Variants in ESYT2 observed in about 807,000 individuals in gnomAD.
The protein encoded by ESYT2 is extended synaptotagmin 2.
In ESYT2, 54 loss-of-function variants were observed where a neutral mutation model predicts 107.2. That is an observed-to-expected ratio of 0.50 (90% CI 0.40 to 0.63). The LOEUF is 0.63. ESYT2 is among the 30% of genes least tolerant of loss of function. The pLI is 0.00. For missense variants in ESYT2, 1,020 were observed against 1,094.5 expected, an observed-to-expected ratio of 0.93 and a Z score of 0.96; for synonymous variants, 491 against 434.1, an observed-to-expected ratio of 1.13 and a Z score of -1.63.
intron 1 of ESYT2, among the ~76,000 whole-genome samples, chr7:158,809,092 T>C (rs1325245884): frequency 3.3e-5 from 5 of 152,130 alleles, no homozygotes; most frequent in Non-Finnish European, 7.4e-5. Context: ...ACTATCTTGT[T>C]TCACTGGGGA....
In ESYT2 at chr7:158,829,095, G is replaced by A. The variant is rs776108628; in HGVS notation, c.324C>T (p.Pro108=). Residue 108 remains proline, a synonymous_variant, in exon 1 of 23, where the codon CCC becomes CCT. Coordinates refer to ENST00000275418, the MANE Select transcript of ESYT2 (RefSeq NM_001367773.1). ...VRLGVRACDL[P]AWVHFPDTER... ...GGCAGGGGTCTGCACTCACCCAGGC[G>A]GGCAGGTCGCAGGCGCGCACCCCCA... is the stretch of plus-strand genomic sequence containing the variant. The A allele has an allele frequency of 2.5e-6, 4 of 1,583,158 alleles. No individual in the cohort carries two copies. Among genetic ancestry groups the A allele is most frequent in the East Asian group, 2.3e-5 (1 of 43,410 alleles).
At chr7:158,797,810 T>A (rs1741125778) in intron 3 of ESYT2, 132 bp downstream of exon 3, 3 of 1,198,446 alleles carry the variant, frequency 2.5e-6, no homozygotes, top group Non-Finnish European at 2.3e-6. Context: ...GCCAAGATAG[T>A]GCCACTGCAC....
At chr7:158,792,977 C>T (rs986979221) in intron 4 of ESYT2, among the ~76,000 whole-genome samples, 2 of 151,842 alleles carry the variant, frequency 1.3e-5, no homozygotes, top group Non-Finnish European at 2.9e-5. Context: ...ACCATGTTAG[C>T]CACGATGGTC....
Position 158,798,646 on chromosome 7 carries a change from C to CAAAAAAAAAAAAA in ESYT2, c.372+372_372+384dup, listed in dbSNP as rs57351086. Among the ~76,000 whole-genome samples the CAAAAAAAAAAAAA allele has an allele frequency of 3.4e-4, 17 of 49,854 alleles. 2 individuals carry two copies. The highest frequency in any genetic ancestry group is 5.2e-4 in the Non-Finnish European group (16 of 30,502). The allele number at this position is 49,854 out of a possible 152,430, so 32.7% of individuals were successfully genotyped here. On this transcript the variant is annotated intron_variant, in intron 2 of 22. Coordinates refer to ENST00000275418, the MANE Select transcript of ESYT2 (RefSeq NM_001367773.1). ...GGGCAACAAGAGTGAAGCTCCGTCT[C>CAAAAAAAAAAAAA]AAAAAAAAAAAAAAAAAAAAAAAAA...
At chr7:158,807,737 T>TG (rs1554425255) in intron 1 of ESYT2, among the ~76,000 whole-genome samples, 2 of 152,180 alleles carry the variant, frequency 1.3e-5, no homozygotes, top group African/African-American at 4.8e-5. Flanking sequence ...CAACCACAGT[T>TG]GGAGTATGAA....
intron 6 of ESYT2, among the ~76,000 whole-genome samples, chr7:158,780,702 A>G (rs1838747409): frequency 6.6e-6 from 1 of 152,264 alleles, no homozygotes; most frequent in African/African-American, 2.4e-5. Flanking sequence ...GTTCAGAGAA[A>G]CTAATCGTCA....
chr7:158,812,015 T>C (rs1360571714), intron 1 of ESYT2, among the ~76,000 whole-genome samples: 1 of 152,140 alleles, frequency 6.6e-6, no homozygotes, highest in East Asian at 1.9e-4. Flanking sequence ...AGGAGGCACT[T>C]AGGAAACACT....
intron 1 of ESYT2, among the ~76,000 whole-genome samples, chr7:158,818,834 G>A (rs1840214827): frequency 1.3e-5 from 2 of 152,372 alleles, no homozygotes; most frequent in Non-Finnish European, 2.9e-5. Flanking sequence ...CAGAGCCAGA[G>A]CCTGAGCTGT....
At chr7:158,812,946 C>A (rs563433902) in intron 1 of ESYT2, among the ~76,000 whole-genome samples, 2 of 152,202 alleles carry the variant, frequency 1.3e-5, no homozygotes, top group African/African-American at 4.8e-5. Context: ...GGTGTGACCA[C>A]GAATGGGCAC....
At chr7:158,750,041 C>A (rs564241801) in intron 14 of ESYT2, among the ~76,000 whole-genome samples, 1 of 151,828 alleles carries the variant, frequency 6.6e-6, no homozygotes, top group South Asian at 2.1e-4. Context: ...ACAAGGATAA[C>A]GAAAATGAAT....
At chr7:158,777,699 CCT>C (rs1488557127) in intron 6 of ESYT2, among the ~76,000 whole-genome samples, 2 of 152,206 alleles carry the variant, frequency 1.3e-5, no homozygotes, top group African/African-American at 2.4e-5. Context: ...TTATAACCCC[CCT>C]TTCTTCATAA....
At chr7:158,811,355 C>A (rs1165881632) in intron 1 of ESYT2, among the ~76,000 whole-genome samples, 3 of 152,234 alleles carry the variant, frequency 2.0e-5, no homozygotes, top group East Asian at 1.9e-4. Context: ...CGTGGCTTAA[C>A]CAACCAACAA....
In ESYT2 at chr7:158,753,085, T is replaced by G. The variant is rs778646792; in HGVS notation, c.1420-242A>C. On this transcript the variant is annotated intron_variant, in intron 13 of 22. Transcript: ENST00000275418. The stretch of plus-strand genomic sequence containing the variant: ...ACAGCTCCTTATCCCCTATGATTAA[T>G]ATTCTTTTACTACCCCCACCCTCTT... Among the ~76,000 whole-genome samples the G allele has an allele frequency of 1.1e-4, 17 of 152,250 alleles. 1 individual carries two copies. Among genetic ancestry groups the G allele is most frequent in the Non-Finnish European group, 2.9e-5 (2 of 68,044 alleles).
rs35242235 is a variant in ESYT2, at chr7:158,738,621, G to A, written c.2267+402C>T. On this transcript the variant is annotated intron_variant, in intron 19 of 22. Transcript: ENST00000275418. ...AGGCATGCACCACCACACGTGGCTA[G>A]TTTGTATTTTTAGTAGAGACAGGGT... is the stretch of plus-strand genomic sequence containing the variant. Among the ~76,000 whole-genome samples, 949 of 151,766 alleles carry A rather than the reference G, an allele frequency of 6.3e-3. 9 individuals are homozygous for A. Among genetic ancestry groups the A allele is most frequent in the African/African-American group, 0.02 (846 of 41,372 alleles).
chr7:158,804,335 C>T (rs1240586884), intron 1 of ESYT2, among the ~76,000 whole-genome samples: 2 of 126,388 alleles, frequency 1.6e-5, no homozygotes, highest in Non-Finnish European at 3.3e-5. Context: ...CCCAAACCGC[C>T]GAGAAGGGTG....
At chr7:158,738,650 T>A (rs1013698110) in intron 19 of ESYT2, among the ~76,000 whole-genome samples, 34 of 152,084 alleles carry the variant, frequency 2.2e-4, no homozygotes, top group Middle Eastern at 6.8e-3. Flanking sequence ...ACAGGGTTTC[T>A]CCATTTTGGT....
chr7:158,796,875 C>T (rs1839475057), intron 3 of ESYT2, among the ~76,000 whole-genome samples: 1 of 150,860 alleles, frequency 6.6e-6, no homozygotes, highest in Non-Finnish European at 1.5e-5. Flanking sequence ...AAGGGCACTG[C>T]AGGCGAGTGG....
chr7:158,829,040 G>C (rs1352694767), intron 1 of ESYT2, 49 bp downstream of exon 1: 2 of 1,561,390 alleles, frequency 1.3e-6, no homozygotes, highest in Admixed American at 1.8e-5. Context: ...GACGAGGGGA[G>C]ATCGGGACTG....
intron 1 of ESYT2, among the ~76,000 whole-genome samples, chr7:158,813,746 C>T (rs975167688): frequency 6.6e-6 from 1 of 151,870 alleles, no homozygotes; most frequent in Admixed American, 6.6e-5. Context: ...TTCCTCGTCC[C>T]GATGACTCTC....
Sources: allele counts gnomAD v4.1 joint callset (sites outside exome capture counted in the v4.1 genomes callset), GRCh38; gene constraint gnomAD v4.1.1; transcripts MANE v1.5; gene names NCBI Gene and HGNC (gene_info 2026-07-23, HGNC 2026-07-21).